Variants in ZNF154 observed in about 807,000 individuals in gnomAD.
The protein encoded by ZNF154 is zinc finger protein 154 (pHZ-92).
ZNF154 carries 6 observed loss-of-function variants against 7.5 expected under a neutral mutation model. The ratio of observed to expected loss-of-function variants is 0.80; its 90% CI spans 0.44 to 1.57. ZNF154 has a LOEUF of 1.57. ZNF154 is among the 40% of genes most tolerant of loss of function. The pLI is 0.01. For missense variants in ZNF154, 485 were observed against 531.4 expected, an observed-to-expected ratio of 0.91 and a Z score of 0.86; for synonymous variants, 187 against 185.9, an observed-to-expected ratio of 1.01 and a Z score of -0.05.
At chr19:57,708,161 T>C (rs997565891) in intron 1 of ZNF154, among the ~76,000 whole-genome samples, 12 of 152,166 alleles carry the variant, frequency 7.9e-5, no homozygotes, top group African/African-American at 2.9e-4. Context: ...CTCAGTGCTG[T>C]CACCTCTTGC....
rs186291935 is a variant in ZNF154 at position 57,702,243 on chromosome 19, G to T, written c.706C>A (p.Arg236=). The T allele has an allele frequency of 2.5e-6, 4 of 1,614,044 alleles. No individual in the cohort carries two copies. Among genetic ancestry groups the T allele is most frequent in the East Asian group, 4.5e-5 (2 of 44,902 alleles). The change falls in exon 3 of 3, where the codon CGG becomes AGG. Residue 236 remains arginine (R), a synonymous_variant. Coordinates refer to ENST00000684351, the MANE Select transcript of ZNF154 (RefSeq NM_001085384.3). ...GGCCTTTCCCCAGTGTGAACTCTCCGATGTTTAATGAGGTTAGACTTGTTG... is the reference window on the plus strand; with the variant it reads ...GGCCTTTCCCCAGTGTGAACTCTCCTATGTTTAATGAGGTTAGACTTGTTG... ...FSNKSNLIKH[R]RVHTGERPYE...
At chr19:57,705,089 TGA>T (rs1340106008) in intron 1 of ZNF154, 110 bp from the exon 2 acceptor site, 2 of 1,442,162 alleles carry the variant, frequency 1.4e-6, no homozygotes, top group East Asian at 4.8e-5. Context: ...GCTCCCCAAC[TGA>T]GAGGAGAAAC....
rs577721048 is a variant in ZNF154, at chr19:57,696,944, G to T, written c.*4691C>A. Among the ~76,000 whole-genome samples the T allele has an allele frequency of 2.0e-5, 3 of 152,278 alleles. No homozygotes were observed. Among genetic ancestry groups the T allele is most frequent in the East Asian group, 3.9e-4 (2 of 5,172 alleles). ...TCCCCTCATTATCCTCTGTCATAAAGATATGATGTTTGCTTTTCCTCTAGG... is the reference window on the plus strand; with the variant it reads ...TCCCCTCATTATCCTCTGTCATAAATATATGATGTTTGCTTTTCCTCTAGG... On this transcript the variant is annotated 3_prime_UTR_variant, in exon 3 of 3. Transcript: ENST00000684351.
At position 57,696,808 on chromosome 19, in the gene ZNF154, A is replaced by G. The variant is rs766195983; in HGVS notation, c.*4827T>C. ...TTTCACTCCCCTTCCCAAGGATACT[A>G]TCATCACCCTCTCCTCACCTTGGAA... On this transcript the variant is annotated 3_prime_UTR_variant, in exon 3 of 3. Transcript: ENST00000684351. Among the ~76,000 whole-genome samples, 9 of 152,124 alleles carry G rather than the reference A, an allele frequency of 5.9e-5. No homozygotes were observed. The highest frequency in any genetic ancestry group is 2.6e-4 in the Admixed American group (4 of 15,268).
chr19:57,702,438 TA>T lies in ZNF154; in HGVS notation c.510del (p.Phe170LeufsTer120). On this transcript the variant is annotated frameshift_variant, in exon 3 of 3. Transcript: ENST00000684351. LOFTEE classifies it low-confidence loss of function (END_TRUNC). ...CYICSECGKS[F>X]SKSYSLNDHW... ...TGGTCATTGAGACTGTAGCTTTTGC[TA>T]AAGGATTTCCCACATTCACTGCATA... 1 of 1,614,154 alleles carries T rather than the reference TA, an allele frequency of 6.2e-7. No individual in the cohort carries two copies. Among genetic ancestry groups the T allele is most frequent in the Non-Finnish European group, 8.5e-7 (1 of 1,179,962 alleles).
Position 57,704,931 on chromosome 19 carries a change from AT to A in ZNF154, c.81del (p.Glu27AspfsTer16), listed in dbSNP as rs1433683193. 2 of 1,613,786 alleles carry A rather than the reference AT, an allele frequency of 1.2e-6. No homozygotes were observed. The highest frequency in any genetic ancestry group is 1.7e-6 in the Non-Finnish European group (2 of 1,179,892). On this transcript the variant is annotated frameshift_variant, in exon 2 of 3. Transcript: ENST00000684351. LOFTEE classifies it high-confidence loss of function. Reference sequence around the variant, plus strand: ...CTTTGAGCCTCATCAAGGAGACCCCATTCCTCCCAGGAGAAGTGTACGGCCA... The same window carrying A: ...CTTTGAGCCTCATCAAGGAGACCCCATCCTCCCAGGAGAAGTGTACGGCCA... ...EDVAVHFSWE[E>X]WGLLDEAQRC...
At position 57,701,057 on chromosome 19, in the gene ZNF154, T is replaced by C. The variant is rs1357942177; in HGVS notation, c.*578A>G. The C allele has an allele frequency of 6.5e-6, 1 of 154,592 alleles. No individual in the cohort carries two copies. The highest frequency in any genetic ancestry group is 6.3e-5 in the Admixed American group (1 of 15,786). The allele number at this position is 154,592 out of a possible 1,614,324, so 9.6% of individuals were successfully genotyped here. A position where few individuals can be genotyped will look rare whatever the true frequency, so the allele number is the denominator to read the frequency against. Reference sequence around the variant, plus strand: ...GGCTGGCAAACTCTATCAAGAGTCATGTGAGACCAACAATATCCTGAAATA... The same window carrying C: ...GGCTGGCAAACTCTATCAAGAGTCACGTGAGACCAACAATATCCTGAAATA... On this transcript the variant is annotated 3_prime_UTR_variant, in exon 3 of 3. Transcript: ENST00000684351.
chr19:57,701,878 A>T lies in ZNF154; in HGVS notation c.1071T>A (p.Tyr357Ter). 3.1e-6 allele frequency: 5 copies of T among 1,614,126 alleles called. No homozygotes were observed. The highest frequency in any genetic ancestry group is 4.2e-6 in the Non-Finnish European group (5 of 1,180,008). ...AGAACTTCCCACATTCACTGCACTCATAAGGCCTCTCCCCAGTGTGAACTC... is the reference window on the plus strand; with the variant it reads ...AGAACTTCCCACATTCACTGCACTCTTAAGGCCTCTCCCCAGTGTGAACTC... ...HRGVHTGERP[Y>*]ECSECGKFFP... Residue 357 changes from tyrosine (Y) to a stop codon, truncating the protein, a stop_gained, in exon 3 of 3, where the codon TAT (tyrosine) becomes TAA (stop). Transcript: ENST00000684351. LOFTEE classifies it low-confidence loss of function (END_TRUNC).
chr19:57,698,718 G>A lies in ZNF154; in HGVS notation c.*2917C>T, dbSNP rs534772777. ...TACATCATTTTAATAGGCATTTCTC[G>A]CTTTATGTTTTTTTGCTGACTTACT... is the stretch of plus-strand genomic sequence containing the variant. On this transcript the variant is annotated 3_prime_UTR_variant, in exon 3 of 3. Coordinates refer to ENST00000684351, the MANE Select transcript of ZNF154 (RefSeq NM_001085384.3). 13 of 152,012 alleles carry A rather than the reference G, an allele frequency of 8.6e-5. No individual in the cohort carries two copies. Among genetic ancestry groups the A allele is most frequent in the East Asian group, 7.7e-4 (4 of 5,184 alleles). The allele number at this position is 152,012 out of a possible 1,614,324, so 9.4% of individuals were successfully genotyped here. A position where few individuals can be genotyped will look rare whatever the true frequency, so the allele number is the denominator to read the frequency against.
Position 57,709,116 on chromosome 19 carries a change from A to C in ZNF154, c.-145T>G. 3 of 1,068,826 alleles carry C rather than the reference A, an allele frequency of 2.8e-6. No homozygotes were observed. Among genetic ancestry groups the C allele is most frequent in the Non-Finnish European group, 4.1e-6 (3 of 731,920 alleles). The allele number at this position is 1,068,826 out of a possible 1,614,324, so 66.2% of individuals were successfully genotyped here. Reference sequence around the variant, plus strand: ...ACGCTTTCGTGCAGGAGGGACGACGACTCCCCTCACGCCTTCGTGGCCCCA... The same window carrying C: ...ACGCTTTCGTGCAGGAGGGACGACGCCTCCCCTCACGCCTTCGTGGCCCCA... On this transcript the variant is annotated 5_prime_UTR_variant, in exon 1 of 3. Transcript: ENST00000684351.
At chr19:57,708,153 C>T (rs966011019) in intron 1 of ZNF154, among the ~76,000 whole-genome samples, 24 of 152,200 alleles carry the variant, frequency 1.6e-4, no homozygotes, top group Non-Finnish European at 3.4e-4. Context: ...TTTCTGGTCT[C>T]AGTGCTGTCA....
rs1984939561 is a variant in ZNF154 at position 57,697,374 on chromosome 19, A to G, written c.*4261T>C. ...ATTCAATAAGCCACATCTAGAATAC[A>G]GCAAATTCTAATTAAAAAATGACTC... On this transcript the variant is annotated 3_prime_UTR_variant, in exon 3 of 3. Coordinates refer to ENST00000684351, the MANE Select transcript of ZNF154 (RefSeq NM_001085384.3). The G allele has an allele frequency of 6.6e-6, 1 of 152,232 alleles. No homozygotes were observed. The highest frequency in any genetic ancestry group is 2.4e-5 in the African/African-American group (1 of 41,454). 9.4% of individuals were successfully genotyped at this position (152,232 alleles called of 1,614,324 possible).
At position 57,707,016 on chromosome 19, in the gene ZNF154, G is replaced by A. The variant is rs188157867; in HGVS notation, c.33+1923C>T. 3.6e-3 allele frequency among the ~76,000 whole-genome samples: 544 copies of A among 151,450 alleles called. 3 individuals carry two copies. Among genetic ancestry groups the A allele is most frequent in the African/African-American group, 0.012 (494 of 41,090 alleles). ...TAATCCCAGCTACTCGGGAGGCTGA[G>A]GCAGGAGAATTGCTTGAAGCCGGGA... On this transcript the variant is annotated intron_variant, in intron 1 of 2. Transcript: ENST00000684351.
At position 57,702,388 on chromosome 19, in the gene ZNF154, C is replaced by T. The variant is rs762314351; in HGVS notation, c.561G>A (p.Lys187=). Reference sequence around the variant, plus strand: ...TCCCACACTCTCGACATTCATAAGGCTTTTCTCCAGTGTGAAGTCTCCAAT... The same window carrying T: ...TCCCACACTCTCGACATTCATAAGGTTTTTCTCCAGTGTGAAGTCTCCAAT... ...NDHWRLHTGE[K]PYECRECGKS... Residue 187 remains lysine, a synonymous_variant, in exon 3 of 3, where the codon AAG becomes AAA. Transcript: ENST00000684351. The T allele has an allele frequency of 1.1e-5, 18 of 1,612,816 alleles. No homozygotes were observed. Among genetic ancestry groups the T allele is most frequent in the Non-Finnish European group, 1.4e-5 (17 of 1,178,948 alleles).
intron 2 of ZNF154, among the ~76,000 whole-genome samples, chr19:57,703,653 A>C (rs1044306141): frequency 6.6e-6 from 1 of 152,198 alleles, no homozygotes; most frequent in African/African-American, 2.4e-5. Context: ...GCTATGTAGA[A>C]TAGTATATGC....
In ZNF154 at chr19:57,702,779, T is replaced by C. The variant is rs34282745; in HGVS notation, c.170A>G (p.His57Arg). 58,770 of 1,598,424 alleles carry C rather than the reference T, an allele frequency of 0.037. 1,268 individuals are homozygous for C. The highest frequency in any genetic ancestry group is 0.045 in the Non-Finnish European group (52,734 of 1,168,804). ...TTTTTCTCCAAGGTGCTGCTTCTGATGATGAACATCTGCAATGAAATACAA... is the reference window on the plus strand; with the variant it reads ...TTTTTCTCCAAGGTGCTGCTTCTGACGATGAACATCTGCAATGAAATACAA... ...LALLTSLDVHHQKQHLGEKHF... is the reference protein window; with the variant it reads ...LALLTSLDVHRQKQHLGEKHF... Residue 57 changes from histidine (H) to arginine (R), a missense_variant, in exon 3 of 3, where the codon CAT becomes CGT. Physicochemically the swap from His to Arg is conservative, Grantham distance 29. Transcript: ENST00000684351.
chr19:57,699,945 A>T lies in ZNF154; in HGVS notation c.*1690T>A, dbSNP rs1048690799. ...CTGAGATAGTGCCATTGCCCTCCAG[A>T]CTGGGCAACAGAGCAAGACTCTGAC... is the stretch of plus-strand genomic sequence containing the variant. On this transcript the variant is annotated 3_prime_UTR_variant, in exon 3 of 3. Transcript: ENST00000684351. 6.6e-6 allele frequency: 1 copy of T among 152,134 alleles called. No homozygotes were observed. The highest frequency in any genetic ancestry group is 1.5e-5 in the Non-Finnish European group (1 of 68,026). The allele number at this position is 152,134 out of a possible 1,614,324, so 9.4% of individuals were successfully genotyped here. A position where few individuals can be genotyped will look rare whatever the true frequency, so the allele number is the denominator to read the frequency against.
chr19:57,699,038 C>CCT lies in ZNF154; in HGVS notation c.*2596_*2597insAG, dbSNP rs1985013792. The CCT allele has an allele frequency of 1.3e-5, 2 of 151,906 alleles. No homozygotes were observed. Among genetic ancestry groups the CCT allele is most frequent in the African/African-American group, 2.4e-5 (1 of 41,296 alleles). The allele number at this position is 151,906 out of a possible 1,614,324, so 9.4% of individuals were successfully genotyped here. A position where few individuals can be genotyped will look rare whatever the true frequency, so the allele number is the denominator to read the frequency against. On this transcript the variant is annotated 3_prime_UTR_variant, in exon 3 of 3. Transcript: ENST00000684351. The stretch of plus-strand genomic sequence containing the variant: ...TCGAACTCGTGACCTGTGATCCACC[C>CCT]ACCTCGGCCTCCCAAAGTGCTGGGA...
Position 57,702,685 on chromosome 19 carries a change from A to C in ZNF154, c.264T>G (p.Pro88=). 6.2e-7 allele frequency: 1 copy of C among 1,614,050 alleles called. No individual in the cohort carries two copies. Among genetic ancestry groups the C allele is most frequent in the Non-Finnish European group, 8.5e-7 (1 of 1,180,028 alleles). The part of the protein sequence containing the change: ...KTCTFHVSGE[P]STCREVGKDF... ...CCTTCCCAACTTCTCTGCAGGTGGA[A>C]GGCTCCCCTGACACATGGAATGTGC... Residue 88 remains proline, a synonymous_variant, in exon 3 of 3, where the codon CCT becomes CCG. Coordinates refer to ENST00000684351, the MANE Select transcript of ZNF154 (RefSeq NM_001085384.3).
Sources: allele counts gnomAD v4.1 joint callset (sites outside exome capture counted in the v4.1 genomes callset), GRCh38; gene constraint gnomAD v4.1.1; transcripts MANE v1.5; gene names NCBI Gene and HGNC (gene_info 2026-07-23, HGNC 2026-07-21).